Variants in PTPRD observed in about 807,000 individuals in gnomAD.
The protein encoded by PTPRD is protein tyrosine phosphatase receptor type D.
PTPRD carries 34 observed loss-of-function variants against 214.5 expected under a neutral mutation model. That is an observed-to-expected ratio of 0.16 (90% CI 0.12 to 0.21). The LOEUF (loss-of-function observed/expected upper bound fraction) is 0.21, where lower values mean the gene tolerates loss of function less well. Ranked by LOEUF, PTPRD falls within the 10% of genes least tolerant of loss-of-function variation. PTPRD has a pLI of 1.00. For missense variants in PTPRD, 2,545 were observed against 2,398.7 expected (o/e 1.06, Z -1.27); for synonymous variants, 1,128 against 845.7 (o/e 1.33, Z -5.79).
chr9:8,814,361 G>A (rs80269021), intron 11 of PTPRD, among the ~76,000 whole-genome samples: 4 of 142,104 alleles, frequency 2.8e-5, no homozygotes, highest in South Asian at 2.3e-4. Context: ...ATGTCTTCAC[G>A]GAGAACGCTT....
intron 3 of PTPRD, among the ~76,000 whole-genome samples, chr9:10,133,640 T>A (rs1195378324): frequency 6.6e-6 from 1 of 152,070 alleles, no homozygotes; most frequent in Non-Finnish European, 1.5e-5. Flanking sequence ...AAGTCCACCA[T>A]AATAAAAGTA....
At chr9:9,911,321 C>G (rs1402418037) in intron 5 of PTPRD, among the ~76,000 whole-genome samples, 1 of 152,066 alleles carries the variant, frequency 6.6e-6, no homozygotes, top group East Asian at 1.9e-4. Context: ...CTTAGAGTCT[C>G]TGTGTGTGAT....
intron 12 of PTPRD, among the ~76,000 whole-genome samples, chr9:8,659,837 T>A (rs2096995875): frequency 6.6e-6 from 1 of 152,212 alleles, no homozygotes; most frequent in East Asian, 1.9e-4. Context: ...ATTATTAGAA[T>A]CATTCCTCTT....
rs540314941 is a variant in PTPRD, at chr9:10,035,377, T to C, written c.-544-1587A>G. On this transcript the variant is annotated intron_variant, in intron 3 of 45. Transcript: ENST00000381196. ...AATAGTTTGCAAAAATTTTCTCCCA[T>C]TCTGTAAGTCGTCTATCTGTTGATA... Among the ~76,000 whole-genome samples, 70 of 152,280 alleles carry C rather than the reference T, an allele frequency of 4.6e-4. 1 individual carries two copies. In the South Asian group the frequency reaches 0.014, roughly 31 times the overall value.
At chr9:10,341,392 A>T (rs1270661566) in intron 2 of PTPRD, among the ~76,000 whole-genome samples, 10 of 152,006 alleles carry the variant, frequency 6.6e-5, no homozygotes, top group Admixed American at 5.9e-4. Flanking sequence ...TATAAAGTGA[A>T]ATTATACAAC....
intron 9 of PTPRD, among the ~76,000 whole-genome samples, chr9:9,216,335 T>A (rs1003397906): frequency 3.3e-5 from 5 of 152,194 alleles, no homozygotes; most frequent in African/African-American, 1.2e-4. Flanking sequence ...TACCTCTCTC[T>A]ACCTCAGTTT....
At chr9:9,392,875 G>A (rs1031974305) in intron 9 of PTPRD, among the ~76,000 whole-genome samples, 7 of 152,072 alleles carry the variant, frequency 4.6e-5, no homozygotes, top group South Asian at 2.1e-4. Context: ...AGTAATTAGA[G>A]TCAGCCACAT....
At chr9:10,539,284 G>A (rs570977329) in intron 2 of PTPRD, among the ~76,000 whole-genome samples, 5 of 152,154 alleles carry the variant, frequency 3.3e-5, no homozygotes, top group East Asian at 1.9e-4. Flanking sequence ...TTTCAGGATC[G>A]AGCAATTCTC....
chr9:9,960,284 C>A (rs867150068), intron 4 of PTPRD, among the ~76,000 whole-genome samples: 1 of 149,552 alleles, frequency 6.7e-6, no homozygotes, highest in Non-Finnish European at 1.5e-5. Flanking sequence ...CTCCCAATGG[C>A]CAAAGCTATG....
intron 12 of PTPRD, among the ~76,000 whole-genome samples, chr9:8,643,628 G>A (rs948454289): frequency 2.6e-5 from 4 of 152,224 alleles, no homozygotes; most frequent in African/African-American, 9.6e-5. Flanking sequence ...TGCCACCACT[G>A]CTCGCAGCTC....
At chr9:8,653,491 C>T (rs572558512) in intron 12 of PTPRD, among the ~76,000 whole-genome samples, 1 of 152,286 alleles carries the variant, frequency 6.6e-6, no homozygotes, top group African/African-American at 2.4e-5. Context: ...CACCAGTGGT[C>T]CTGAACCCTT....
At chr9:8,408,368 C>G (rs1017601779) in intron 35 of PTPRD, among the ~76,000 whole-genome samples, 2 of 152,074 alleles carry the variant, frequency 1.3e-5, no homozygotes, top group Non-Finnish European at 2.9e-5. Flanking sequence ...CTGAGCTTGA[C>G]TCCTAGATAT....
At chr9:8,584,160 T>C (rs1344009998) in intron 14 of PTPRD, among the ~76,000 whole-genome samples, 1 of 152,058 alleles carries the variant, frequency 6.6e-6, no homozygotes, top group Non-Finnish European at 1.5e-5. Context: ...TCTCAAAATT[T>C]TTAAAAAATT....
At chr9:9,810,133 T>TAAAAAAAAAAAAA (rs3050106) in intron 5 of PTPRD, among the ~76,000 whole-genome samples, 1 of 108,536 alleles carries the variant, frequency 9.2e-6, no homozygotes, top group Admixed American at 9.8e-5. Flanking sequence ...ACTTCCAGGT[T>TAAAAAAAAAAAAA]AAAAAAAAAA....
intron 11 of PTPRD, among the ~76,000 whole-genome samples, chr9:8,784,626 C>A (rs2095864294): frequency 7.2e-6 from 1 of 138,550 alleles, no homozygotes; most frequent in South Asian, 2.5e-4. Flanking sequence ...AAGAGTGTGC[C>A]TCTGAGAAAG....
At chr9:10,322,322 C>G (rs2096567497) in intron 3 of PTPRD, among the ~76,000 whole-genome samples, 1 of 151,986 alleles carries the variant, frequency 6.6e-6, no homozygotes, top group South Asian at 2.1e-4. Context: ...ACAACAAATG[C>G]AAGCTAAAGC....
At chr9:8,453,549 C>A (rs2096055634) in intron 33 of PTPRD, among the ~76,000 whole-genome samples, 2 of 152,186 alleles carry the variant, frequency 1.3e-5, no homozygotes, top group Admixed American at 1.3e-4. Flanking sequence ...ACGTGTTTTT[C>A]TGCTGGACAA....
intron 7 of PTPRD, among the ~76,000 whole-genome samples, chr9:9,733,758 A>G (rs958373349): frequency 5.9e-5 from 9 of 152,198 alleles, no homozygotes; most frequent in African/African-American, 1.7e-4. Flanking sequence ...CTACACACGT[A>G]TCTAAGCTAG....
chr9:9,501,782 A>C (rs1271442683), intron 8 of PTPRD, among the ~76,000 whole-genome samples: 1 of 151,974 alleles, frequency 6.6e-6, no homozygotes, highest in African/African-American at 2.4e-5. Context: ...AATATTTAGA[A>C]ATGAAATGGC....
Sources: allele counts gnomAD v4.1 joint callset (sites outside exome capture counted in the v4.1 genomes callset), GRCh38; gene constraint gnomAD v4.1.1; transcripts MANE v1.5; gene names NCBI Gene and HGNC (gene_info 2026-07-23, HGNC 2026-07-21).